GAA: variants seen among roughly 807,000 people sequenced by gnomAD.
The protein encoded by GAA is lysosomal alpha-glucosidase.
In GAA, 88 loss-of-function variants were observed where a neutral mutation model predicts 103.9. That is an observed-to-expected ratio of 0.85 (90% CI 0.71 to 1.01). The LOEUF (loss-of-function observed/expected upper bound fraction) is 1.01, where lower values mean the gene tolerates loss of function less well. GAA is among the 50% of genes least tolerant of loss of function. The pLI is 0.00. For missense variants in GAA, 1,350 were observed against 1,305.3 expected, an observed-to-expected ratio of 1.03 and a Z score of -0.53; for synonymous variants, 572 against 563.1, an observed-to-expected ratio of 1.02 and a Z score of -0.22.
intron 11 of GAA, 79 bp downstream of exon 11, chr17:80,111,104 T>A: frequency 1.1e-5 from 13 of 1,209,482 alleles, no homozygotes; most frequent in Non-Finnish European, 1.4e-5. Flanking sequence ...CTTAGCACCC[T>A]CATCTCTGAG....
rs772730706 is a variant in GAA, at chr17:80,108,733, C to T, written c.1231C>T (p.Arg411Trp). Residue 411 changes from arginine (R) to tryptophan (W), a missense_variant, in exon 8 of 20, where the codon CGG becomes TGG. Coordinates refer to ENST00000302262, the MANE Select transcript of GAA (RefSeq NM_000152.5). ...GAACGACCTGGACTACATGGACTCC[C>T]GGAGGGACTTCACGTTCAACAAGGA... is the stretch of plus-strand genomic sequence containing the variant. Reference protein sequence around the residue: ...QWNDLDYMDSRRDFTFNKDGF... With the variant: ...QWNDLDYMDSWRDFTFNKDGF... 12 of 1,612,290 alleles carry T rather than the reference C, an allele frequency of 7.4e-6. No homozygotes were observed. The highest frequency in any genetic ancestry group is 2.2e-5 in the East Asian group (1 of 44,846).
In GAA at chr17:80,113,289, A is replaced by G. The variant is rs1449566083; in HGVS notation, c.2112A>G (p.Ala704=). Residue 704 remains alanine, a synonymous_variant, in exon 15 of 20, where the codon GCA becomes GCG. Transcript: ENST00000302262. ...GGAAGGCCCTCACCCTGCGCTACGC[A>G]CTCCTCCCCCACCTCTACACACTGT... ...AMRKALTLRY[A]LLPHLYTLFH... is the part of the protein sequence containing the mutation. The G allele has an allele frequency of 1.3e-6, 2 of 1,598,412 alleles. No homozygotes were observed. The highest frequency in any genetic ancestry group is 1.7e-6 in the Non-Finnish European group (2 of 1,173,164).
chr17:80,118,863 G>C, intron 19 of GAA, 58 bp downstream of exon 19: 1 of 1,595,708 alleles, frequency 6.3e-7, no homozygotes, highest in Non-Finnish European at 8.5e-7. Flanking sequence ...GCAGGGGGCA[G>C]AAGGTGCTGG....
In GAA at chr17:80,104,493, T is replaced by G; in HGVS notation, c.-32-62T>G. 8.0e-7 allele frequency: 1 copy of G among 1,255,360 alleles called. No individual in the cohort carries two copies. Among genetic ancestry groups the G allele is most frequent in the South Asian group, 1.5e-5 (1 of 68,594 alleles). The allele number at this position is 1,255,360 out of a possible 1,614,324, so 77.8% of individuals were successfully genotyped here. ...CGCGGTTGATGTCTCAGAGCTGCTT[T>G]GAGAGCCCCGTGAGTGCCGCCCCTC... On this transcript the variant is annotated intron_variant, in intron 1 of 19. Coordinates refer to ENST00000302262, the MANE Select transcript of GAA (RefSeq NM_000152.5). The surrounding 1 kb of genome is among the most constrained non-coding windows in gnomAD (Gnocchi z 4.0).
intron 3 of GAA, 76 bp downstream of exon 3, chr17:80,105,970 G>C: frequency 6.6e-7 from 1 of 1,511,374 alleles, no homozygotes; most frequent in Non-Finnish European, 8.9e-7. Flanking sequence ...GGCCACACGC[G>C]TTTGTTTCTC....
In GAA at chr17:80,119,753, C is replaced by G. The variant is rs1005159893; in HGVS notation, c.*422C>G. 1 of 232,560 alleles carries G rather than the reference C, an allele frequency of 4.3e-6. No individual in the cohort carries two copies. Among genetic ancestry groups the G allele is most frequent in the African/African-American group, 2.3e-5 (1 of 44,418 alleles). The allele number at this position is 232,560 out of a possible 1,614,324, so 14.4% of individuals were successfully genotyped here. ...GCTCTGCCCCAACGCGACCGCTGCC[C>G]GGCTGCCCAGAGGGCTGGATGCCTG... is the stretch of plus-strand genomic sequence containing the variant. On this transcript the variant is annotated 3_prime_UTR_variant, in exon 20 of 20. Transcript: ENST00000302262.
chr17:80,112,123 C>A (rs2039251496), intron 12 of GAA, 23 bp downstream of exon 12: 2 of 1,596,996 alleles, frequency 1.3e-6, no homozygotes, highest in Non-Finnish European at 1.7e-6. Context: ...TCCCGCCCCA[C>A]TGGGCTCTGC....
rs1431701735 is a variant in GAA at position 80,116,971 on chromosome 17, C to T, written c.2193C>T (p.Phe731=). ...ETVARPLFLE[F]PKDSSTWTVD... ...TGTGTGCCCATCCCCCTTGCAGGTT[C>T]CCCAAGGACTCTAGCACCTGGACTG... The change falls in exon 16 of 20, where the codon TTC becomes TTT. Residue 731 remains phenylalanine, a synonymous_variant. Transcript: ENST00000302262. 1.2e-6 allele frequency: 2 copies of T among 1,613,740 alleles called. No homozygotes were observed. Among genetic ancestry groups the T allele is most frequent in the Admixed American group, 1.7e-5 (1 of 60,016 alleles).
At position 80,118,662 on chromosome 17, in the gene GAA, G is replaced by A. The variant is rs372802420; in HGVS notation, c.2656G>A (p.Val886Met). 3.7e-5 allele frequency: 59 copies of A among 1,612,268 alleles called. No individual in the cohort carries two copies. The highest frequency in any genetic ancestry group is 4.6e-5 in the Non-Finnish European group (54 of 1,180,012). ...VIFLARNNTI[V>M]NELVRVTSEG... is the part of the protein sequence containing the mutation. ...TCTCTGCTCGGCCCAGAACACGATCGTGAATGAGCTGGTACGTGTGACCAG... is the reference window on the plus strand; with the variant it reads ...TCTCTGCTCGGCCCAGAACACGATCATGAATGAGCTGGTACGTGTGACCAG... Residue 886 changes from valine (V) to methionine (M), a missense_variant, in exon 19 of 20, where the codon GTG (valine) becomes ATG (methionine). Transcript: ENST00000302262.
At chr17:80,105,153 G>A in intron 2 of GAA, 21 bp downstream of exon 2, 1 of 1,594,042 alleles carries the variant, frequency 6.3e-7, no homozygotes, top group Non-Finnish European at 8.5e-7. Flanking sequence ...CAGGGGCGGG[G>A]GCGGCGGCCA....
chr17:80,113,466 AC>A, intron 15 of GAA, 100 bp downstream of exon 15: 1 of 1,185,372 alleles, frequency 8.4e-7, no homozygotes, highest in Non-Finnish European at 1.1e-6. Flanking sequence ...GTTCCCCAGG[AC>A]CCAGCAGGTT....
chr17:80,107,944 G>T, intron 5 of GAA, 48 bp downstream of exon 5: 2 of 1,533,170 alleles, frequency 1.3e-6, no homozygotes, highest in Non-Finnish European at 1.8e-6. Context: ...CCTCCGTGCT[G>T]CCTGCCCTGG....
intron 15 of GAA, chr17:80,116,752 C>A: frequency 1.7e-6 from 1 of 605,018 alleles, no homozygotes; most frequent in Non-Finnish European, 3.0e-6. Flanking sequence ...GCCCAGCTGC[C>A]GGCATGTCCG....
At chr17:80,116,289 T>C (rs147713494) in intron 15 of GAA, among the ~76,000 whole-genome samples, 3 of 152,198 alleles carry the variant, frequency 2.0e-5, no homozygotes, top group Non-Finnish European at 4.4e-5. Flanking sequence ...ACAGTACATA[T>C]CAGTCAATGT....
At chr17:80,112,214 C>T in intron 12 of GAA, 114 bp downstream of exon 12, 2 of 1,087,934 alleles carry the variant, frequency 1.8e-6, no homozygotes, top group Non-Finnish European at 2.8e-6. Context: ...CCACCCGGGG[C>T]CCGCTGGCGG....
intron 15 of GAA, among the ~76,000 whole-genome samples, chr17:80,115,513 C>T (rs184142444): frequency 6.6e-6 from 1 of 152,300 alleles, no homozygotes; most frequent in African/African-American, 2.4e-5. Context: ...TCGCTGAGCT[C>T]TTTGAACACA....
At chr17:80,114,264 C>G (rs552192229) in intron 15 of GAA, among the ~76,000 whole-genome samples, 2 of 152,196 alleles carry the variant, frequency 1.3e-5, no homozygotes, top group East Asian at 3.9e-4. Context: ...AGAACTCATA[C>G]GTTGGTAAGA....
At position 80,105,001 on chromosome 17, in the gene GAA, G is replaced by A. The variant is rs552901793; in HGVS notation, c.415G>A (p.Glu139Lys). 3.1e-6 allele frequency: 5 copies of A among 1,612,928 alleles called. No individual in the cohort carries two copies. Among genetic ancestry groups the A allele is most frequent in the South Asian group, 2.2e-5 (2 of 91,074 alleles). ...ACCCAGCTACCCCAGCTACAAGCTG[G>A]AGAACCTGAGCTCCTCTGAAATGGG... ...FPPSYPSYKL[E>K]NLSSSEMGYT... is the part of the protein sequence containing the mutation. Residue 139 changes from glutamate (E) to lysine (K), a missense_variant, in exon 2 of 20, where the codon GAG becomes AAG. Physicochemically the swap from Glu to Lys is moderately conservative, Grantham distance 56. Transcript: ENST00000302262.
rs754285414 is a variant in GAA at position 80,104,933 on chromosome 17, G to T, written c.347G>T (p.Gly116Val). ...RGCCYIPAKQ[G>V]LQGAQMGQPW... ...TGTTGCTACATCCCTGCAAAGCAGG[G>T]GCTGCAGGGAGCCCAGATGGGGCAG... is the stretch of plus-strand genomic sequence containing the variant. Residue 116 changes from glycine to valine, a missense_variant, in exon 2 of 20, where the codon GGG becomes GTG. By Grantham distance (109) the Gly-to-Val change is moderately radical (BLOSUM62 -3). Coordinates refer to ENST00000302262, the MANE Select transcript of GAA (RefSeq NM_000152.5). The surrounding 1 kb of genome is among the most constrained non-coding windows in gnomAD (Gnocchi z 4.0). 3.1e-6 allele frequency: 5 copies of T among 1,612,246 alleles called. No homozygotes were observed. In the African/African-American group the frequency reaches 6.7e-5, roughly 22 times the overall value.
Sources: gnomAD v4.1 joint callset for allele counts (sites outside exome capture counted in the v4.1 genomes callset) on GRCh38, gnomAD v4.1.1 for gene constraint, Gnocchi (gnomAD v3.1) non-coding constraint, MANE v1.5 for transcripts, NCBI Gene and HGNC (gene_info 2026-07-23, HGNC 2026-07-21) for gene names.